The following RNF180 variants were observed in gnomAD, a reference collection of about 807,000 sequenced individuals.
RNF180 encodes the protein E3 ubiquitin-protein ligase RNF180.
RNF180 carries 38 observed loss-of-function variants against 59.2 expected under a neutral mutation model. That is an observed-to-expected ratio of 0.64 (90% confidence interval 0.50 to 0.84). The LOEUF (loss-of-function observed/expected upper bound fraction) is 0.84. Among genes scored for constraint, RNF180 ranks in the 40% least tolerant of loss-of-function variants. The pLI is 0.00. For missense variants in RNF180, 705 were observed against 700.9 expected (o/e 1.01, Z -0.07); for synonymous variants, 262 against 240.3 (o/e 1.09, Z -0.84).
chr5:64,281,773 G>C (rs373400143), intron 5 of RNF180, among the ~76,000 whole-genome samples: 1 of 152,164 alleles, frequency 6.6e-6, no homozygotes, highest in Admixed American at 6.5e-5. Flanking sequence ...TGGGATTACA[G>C]GTCTAAGCCA....
intron 2 of RNF180, among the ~76,000 whole-genome samples, chr5:64,201,251 A>G (rs529582900): frequency 5.9e-4 from 90 of 152,344 alleles, no homozygotes; most frequent in South Asian, 1.7e-3. Context: ...TATTCCCACT[A>G]TGAGTGAGCC....
chr5:64,362,770 A>G (rs1275624590), intron 7 of RNF180, among the ~76,000 whole-genome samples: 1 of 151,776 alleles, frequency 6.6e-6, no homozygotes, highest in Non-Finnish European at 1.5e-5. Flanking sequence ...GTACTTTTCA[A>G]TAATAGCCAT....
chr5:64,300,524 A>G (rs1379230095), intron 5 of RNF180, among the ~76,000 whole-genome samples: 3 of 151,792 alleles, frequency 2.0e-5, no homozygotes, highest in African/African-American at 7.3e-5. Context: ...TTCTTCATAA[A>G]TCATGGAGCA....
At chr5:64,321,785 C>A (rs2112511842) in intron 5 of RNF180, among the ~76,000 whole-genome samples, 1 of 152,206 alleles carries the variant, frequency 6.6e-6, no homozygotes, top group Admixed American at 6.5e-5. Context: ...CTACAGTAAC[C>A]AAAACAGCAT....
intron 5 of RNF180, among the ~76,000 whole-genome samples, chr5:64,241,491 A>G (rs1445494757): frequency 6.6e-6 from 1 of 152,240 alleles, no homozygotes. Context: ...ATTTTAGTAC[A>G]TAAGGAAATG....
At chr5:64,260,585 G>T (rs566094385) in intron 5 of RNF180, among the ~76,000 whole-genome samples, 1 of 152,058 alleles carries the variant, frequency 6.6e-6, no homozygotes, top group East Asian at 1.9e-4. Flanking sequence ...ATTCCTTTCA[G>T]CATTGACACT....
chr5:64,323,173 G>T (rs769725403), intron 5 of RNF180, among the ~76,000 whole-genome samples: 1 of 152,128 alleles, frequency 6.6e-6, no homozygotes, highest in Non-Finnish European at 1.5e-5. Flanking sequence ...ATAATGTCTT[G>T]TTCAGAAGGG....
At chr5:64,311,989 A>G (rs574426756) in intron 5 of RNF180, among the ~76,000 whole-genome samples, 4 of 152,034 alleles carry the variant, frequency 2.6e-5, no homozygotes, top group Admixed American at 6.6e-5. Context: ...TGGTACACGT[A>G]TGCGAGAGTT....
At chr5:64,256,274 C>G (rs1432586482) in intron 5 of RNF180, among the ~76,000 whole-genome samples, 1 of 152,116 alleles carries the variant, frequency 6.6e-6, no homozygotes, top group Non-Finnish European at 1.5e-5. Context: ...AAGTCCTTGC[C>G]CGTGCCTATG....
intron 7 of RNF180, among the ~76,000 whole-genome samples, chr5:64,348,387 A>G (rs1242329654): frequency 6.6e-6 from 1 of 152,082 alleles, no homozygotes; most frequent in African/African-American, 2.4e-5. Context: ...TATTCTTTCA[A>G]GTTATTTTAT....
chr5:64,354,567 TGAA>T (rs1745943610), intron 7 of RNF180, among the ~76,000 whole-genome samples: 1 of 151,756 alleles, frequency 6.6e-6, no homozygotes, highest in Admixed American at 6.6e-5. Context: ...AAAAAAAAAT[TGAA>T]GAAGAAATAC....
At chr5:64,231,457 CTT>C (rs1400205041) in intron 5 of RNF180, among the ~76,000 whole-genome samples, 5 of 151,578 alleles carry the variant, frequency 3.3e-5, no homozygotes, top group African/African-American at 9.8e-5. Flanking sequence ...GCCACACACT[CTT>C]TATTTATCCT....
intron 5 of RNF180, among the ~76,000 whole-genome samples, chr5:64,254,204 T>C (rs964807572): frequency 1.1e-4 from 16 of 152,172 alleles, no homozygotes; most frequent in African/African-American, 3.9e-4. Flanking sequence ...TCTAGGAAGC[T>C]AAACCTTTCA....
chr5:64,173,313 A>G (rs931541729), intron 1 of RNF180, among the ~76,000 whole-genome samples: 1 of 152,200 alleles, frequency 6.6e-6, no homozygotes, highest in African/African-American at 2.4e-5. Context: ...TTTTGTAAAT[A>G]GCCATTTAAT....
At chr5:64,203,703 A>G (rs777279616) in intron 2 of RNF180, among the ~76,000 whole-genome samples, 86 of 152,240 alleles carry the variant, frequency 5.6e-4, no homozygotes, top group Non-Finnish European at 2.4e-4. Context: ...GGGATAATTC[A>G]ATATCATGGT....
At chr5:64,265,477 A>G (rs866222281) in intron 5 of RNF180, among the ~76,000 whole-genome samples, 3 of 152,224 alleles carry the variant, frequency 2.0e-5, no homozygotes, top group Non-Finnish European at 2.9e-5. Context: ...AATTTATTAA[A>G]TAGGGAATCC....
chr5:64,205,139 C>T (rs563341382), intron 2 of RNF180, among the ~76,000 whole-genome samples: 1 of 152,242 alleles, frequency 6.6e-6, no homozygotes, highest in East Asian at 1.9e-4. Context: ...ACCTCCAAAA[C>T]CAAATTTGCC....
Position 64,258,784 on chromosome 5 carries a change from CAAGT to C in RNF180, c.1227+41389_1227+41392del, listed in dbSNP as rs928486113. 3.3e-5 allele frequency among the ~76,000 whole-genome samples: 5 copies of C among 151,948 alleles called. No individual in the cohort carries two copies. The South Asian group carries it at 6.2e-4, about 19-fold the overall frequency. ...ATAATAACTGATTAGTCATAGGTGACAAGTGAGTAGTTTAATGGAAGGAGAGTGG... is the reference window on the plus strand; with the variant it reads ...ATAATAACTGATTAGTCATAGGTGACGAGTAGTTTAATGGAAGGAGAGTGG... On this transcript the variant is annotated intron_variant, in intron 5 of 7. Coordinates refer to ENST00000389100, the MANE Select transcript of RNF180 (RefSeq NM_001113561.2).
intron 7 of RNF180, among the ~76,000 whole-genome samples, chr5:64,359,026 G>A (rs1282068721): frequency 4.0e-5 from 6 of 150,162 alleles, no homozygotes; most frequent in Admixed American, 2.0e-4. Flanking sequence ...TCTTAATCCA[G>A]TCTATCATTG....
Sources: allele counts gnomAD v4.1 joint callset (sites outside exome capture counted in the v4.1 genomes callset), GRCh38; gene constraint gnomAD v4.1.1; transcripts MANE v1.5; gene names NCBI Gene and HGNC (gene_info 2026-07-23, HGNC 2026-07-21).